CALN1: variants seen among roughly 807,000 people sequenced by gnomAD.
CALN1 encodes calcium-binding protein 8.
In CALN1, 17 loss-of-function variants were observed where a neutral mutation model predicts 30.6. The ratio of observed to expected loss-of-function variants is 0.56; its 90% confidence interval spans 0.38 to 0.83. The LOEUF is 0.83. Ranked by LOEUF, CALN1 falls within the 40% of genes least tolerant of loss-of-function variation. The pLI, the probability that CALN1 is intolerant of heterozygous loss-of-function variation, is 0.00. For missense variants in CALN1, 291 were observed against 354.9 expected (o/e 0.82, Z 1.45); for synonymous variants, 156 against 131.4 (o/e 1.19, Z -1.28).
chr7:71,840,485 TAAA>T (rs61579583), intron 5 of CALN1, among the ~76,000 whole-genome samples: 28 of 101,326 alleles, frequency 2.8e-4, no homozygotes, highest in African/African-American at 8.7e-4. Flanking sequence ...ATGCTCTCTT[TAAA>T]AAAAAAAAAA....
At chr7:71,808,101 A>T (rs1787726441) in intron 6 of CALN1, among the ~76,000 whole-genome samples, 1 of 151,928 alleles carries the variant, frequency 6.6e-6, no homozygotes, top group Non-Finnish European at 1.5e-5. Context: ...AACAAAACAA[A>T]AATACTACTA....
At chr7:72,453,993 A>AATATATATATATAT in the CALN1 span, among the ~76,000 whole-genome samples, 306 of 148,178 alleles carry the variant, frequency 2.1e-3, 2 homozygotes, top group African/African-American at 7.2e-3. Flanking sequence ...ACAACCAAAA[A>AATATATATATATAT]ATATATATAT....
chr7:72,043,165 G>A (rs1447610744), intron 4 of CALN1, among the ~76,000 whole-genome samples: 10 of 152,114 alleles, frequency 6.6e-5, no homozygotes, highest in Admixed American at 6.5e-4. Flanking sequence ...CTGTTATTCT[G>A]AAAGAACTAG....
intron 3 of CALN1, among the ~76,000 whole-genome samples, chr7:72,240,447 G>A (rs1794753383): frequency 6.6e-6 from 1 of 152,110 alleles, no homozygotes; most frequent in Admixed American, 6.5e-5. Flanking sequence ...CTCCAGCCTT[G>A]GCCTCCCAAA....
chr7:72,350,374 T>C (rs1434126114), intron 2 of CALN1, among the ~76,000 whole-genome samples: 1 of 152,136 alleles, frequency 6.6e-6, no homozygotes, highest in Non-Finnish European at 1.5e-5. Context: ...AGATATGGAA[T>C]GAACCTAAGT....
intron 2 of CALN1, among the ~76,000 whole-genome samples, chr7:72,328,094 T>C (rs1280963430): frequency 6.7e-6 from 1 of 150,144 alleles, no homozygotes; most frequent in Non-Finnish European, 1.5e-5. Context: ...AACATTTCTG[T>C]ATAGCTTTTA....
intron 1 of CALN1, among the ~76,000 whole-genome samples, chr7:72,444,489 G>A (rs1158253244): frequency 2.6e-5 from 4 of 152,190 alleles, no homozygotes; most frequent in Non-Finnish European, 5.9e-5. Context: ...AAGGTTATGT[G>A]TCCACAGACT....
chr7:72,361,938 GAC>G (rs56394378), intron 2 of CALN1, among the ~76,000 whole-genome samples: 33,509 of 152,014 alleles, frequency 0.22, 4,654 homozygotes, highest in Non-Finnish European at 0.32. Flanking sequence ...AAGATCATAT[GAC>G]ACATTTTTTT....
intron 5 of CALN1, among the ~76,000 whole-genome samples, chr7:71,911,920 T>C (rs1467699125): frequency 6.6e-6 from 1 of 152,052 alleles, no homozygotes; most frequent in Admixed American, 6.6e-5. Context: ...TTGTCTTTCA[T>C]ACACATGAAG....
At chr7:71,957,873 T>C (rs1183392917) in intron 5 of CALN1, among the ~76,000 whole-genome samples, 1 of 151,858 alleles carries the variant, frequency 6.6e-6, no homozygotes, top group East Asian at 1.9e-4. Context: ...GAGACCAACC[T>C]GGCCAACATG....
chr7:71,903,568 A>T (rs1793976824), intron 5 of CALN1, among the ~76,000 whole-genome samples: 1 of 152,202 alleles, frequency 6.6e-6, no homozygotes, highest in African/African-American at 2.4e-5. Context: ...TGGATTAGAG[A>T]CTTAAATGTA....
intron 2 of CALN1, among the ~76,000 whole-genome samples, chr7:72,393,876 A>G (rs1805746482): frequency 1.3e-5 from 2 of 151,918 alleles, no homozygotes; most frequent in African/African-American, 4.8e-5. Context: ...CAGCATCCTG[A>G]GTAGCTAGGA....
At position 72,192,840 on chromosome 7, in the gene CALN1, T is replaced by TC. The variant is rs1474521135; in HGVS notation, c.244+85845dup. ...CACAACAGTCCCCAGAGTGTGATAT[T>TC]CCCCTTCCTGTGTCCATGTTAGGGA... is the stretch of plus-strand genomic sequence containing the variant. On this transcript the variant is annotated intron_variant, in intron 3 of 6. Transcript: ENST00000395275. 4.0e-5 allele frequency among the ~76,000 whole-genome samples: 5 copies of TC among 124,036 alleles called. No individual in the cohort carries two copies. In the East Asian group the frequency reaches 9.8e-4, roughly 24 times the overall value. 81.4% of individuals were successfully genotyped at this position (124,036 alleles called of 152,430 possible).
At chr7:71,858,430 G>A (rs1291720431) in intron 5 of CALN1, among the ~76,000 whole-genome samples, 1 of 151,876 alleles carries the variant, frequency 6.6e-6, no homozygotes, top group African/African-American at 2.4e-5. Flanking sequence ...AAAGGGAAGA[G>A]TTGAGCTGGG....
intron 5 of CALN1, among the ~76,000 whole-genome samples, chr7:71,819,964 T>C (rs978074191): frequency 1.3e-5 from 2 of 152,192 alleles, no homozygotes; most frequent in African/African-American, 4.8e-5. Context: ...CAGGCTATGA[T>C]GGGAAGGAAG....
intron 2 of CALN1, among the ~76,000 whole-genome samples, chr7:72,399,157 T>G (rs1806171473): frequency 6.6e-6 from 1 of 152,126 alleles, no homozygotes; most frequent in South Asian, 2.1e-4. Context: ...TAGGATCTTC[T>G]GCAGTAACGT....
At chr7:71,791,652 G>A (rs539948944) in intron 6 of CALN1, among the ~76,000 whole-genome samples, 4 of 152,240 alleles carry the variant, frequency 2.6e-5, no homozygotes, top group Admixed American at 2.6e-4. Context: ...AAACGCCTGT[G>A]ACACGAGTTT....
intron 4 of CALN1, among the ~76,000 whole-genome samples, chr7:72,100,034 A>G (rs1463992547): frequency 1.3e-5 from 2 of 152,196 alleles, no homozygotes; most frequent in Non-Finnish European, 2.9e-5. Flanking sequence ...GCTCTCATGA[A>G]ATCAGGGAGG....
At chr7:72,006,538 G>A (rs373160723) in intron 5 of CALN1, among the ~76,000 whole-genome samples, 2 of 152,072 alleles carry the variant, frequency 1.3e-5, no homozygotes, top group South Asian at 2.1e-4. Context: ...ATTCTGACAC[G>A]ATGATTTTTA....
Sources: gnomAD v4.1 joint callset for allele counts (sites outside exome capture counted in the v4.1 genomes callset) on GRCh38, gnomAD v4.1.1 for gene constraint, MANE v1.5 for transcripts, NCBI Gene and HGNC (gene_info 2026-07-23, HGNC 2026-07-21) for gene names.